Variants in ZC3H14 observed in about 807,000 individuals in gnomAD.
ZC3H14 encodes zinc finger CCCH domain-containing protein 14.
ZC3H14 carries 31 observed loss-of-function variants against 92.4 expected under a neutral mutation model. The observed-to-expected ratio is 0.34, with a 90% CI of 0.25 to 0.45. The LOEUF (loss-of-function observed/expected upper bound fraction) is 0.45, where lower values mean the gene tolerates loss of function less well. Ranked by LOEUF, ZC3H14 falls within the 20% of genes least tolerant of loss-of-function variation. ZC3H14 has a pLI of 1.00. For missense variants in ZC3H14, 781 were observed against 897.3 expected (o/e 0.87, Z 1.66); for synonymous variants, 321 against 300.9 (o/e 1.07, Z -0.69).
At position 88,620,407 on chromosome 14, in the gene ZC3H14, C is replaced by T. The variant is rs2088676546; in HGVS notation, c.*8656C>T. ...AGAGAAGATATGTTTGAAATCACAACTTTAGTTTTCCAGGGTGACAACTTT... is the reference window on the plus strand; with the variant it reads ...AGAGAAGATATGTTTGAAATCACAATTTTAGTTTTCCAGGGTGACAACTTT... On this transcript the variant is annotated 3_prime_UTR_variant, in exon 17 of 17. Coordinates refer to ENST00000251038, the MANE Select transcript of ZC3H14 (RefSeq NM_024824.5). This position sits in a 1 kb window ranked among gnomAD's most constrained non-coding sequence, Gnocchi z 4.3. 1 of 183,536 alleles carries T rather than the reference C, an allele frequency of 5.4e-6. No homozygotes were observed. Among genetic ancestry groups the T allele is most frequent in the South Asian group, 2.0e-4 (1 of 5,086 alleles). 11.4% of individuals were successfully genotyped at this position (183,536 alleles called of 1,614,324 possible).
Position 88,575,528 on chromosome 14 carries a change from T to TA in ZC3H14, c.1023-304dup, listed in dbSNP as rs530205282. ...GGCGATGTAATGAGTCTTTGTCTCT[T>TA]AAAAAAAATTAAAATAAATTAGTTG... On this transcript the variant is annotated intron_variant, in intron 7 of 16. Transcript: ENST00000251038. Among the ~76,000 whole-genome samples, 72 of 151,994 alleles carry TA rather than the reference T, an allele frequency of 4.7e-4. 1 individual carries two copies. The East Asian group carries it at 0.013, about 27-fold the overall frequency.
chr14:88,622,865 C>A lies in ZC3H14; in HGVS notation c.*11114C>A. ...TACCTCTAATATTCTTGTAAACTTT[C>A]TATGGCAATTTGAGGATATACTATA... is the stretch of plus-strand genomic sequence containing the variant. On this transcript the variant is annotated 3_prime_UTR_variant, in exon 17 of 17. Coordinates refer to ENST00000251038, the MANE Select transcript of ZC3H14 (RefSeq NM_024824.5). 2.0e-6 allele frequency: 1 copy of A among 508,642 alleles called. No individual in the cohort carries two copies. The highest frequency in any genetic ancestry group is 3.4e-6 in the Non-Finnish European group (1 of 295,282). The allele number at this position is 508,642 out of a possible 1,614,324, so 31.5% of individuals were successfully genotyped here. A position where few individuals can be genotyped will look rare whatever the true frequency, so the allele number is the denominator to read the frequency against.
intron 9 of ZC3H14, chr14:88,594,337 TTGTG>T: frequency 4.1e-6 from 4 of 965,916 alleles, no homozygotes; most frequent in Non-Finnish European, 5.0e-6. Flanking sequence ...AGAAAATTCT[TTGTG>T]TGACACATGT....
Position 88,613,432 on chromosome 14 carries a change from A to G in ZC3H14, c.*1681A>G, listed in dbSNP as rs1276323908. 6.6e-6 allele frequency: 1 copy of G among 152,166 alleles called. No individual in the cohort carries two copies. The highest frequency in any genetic ancestry group is 1.5e-5 in the Non-Finnish European group (1 of 68,024). The allele number at this position is 152,166 out of a possible 1,614,324, so 9.4% of individuals were successfully genotyped here. On this transcript the variant is annotated 3_prime_UTR_variant, in exon 17 of 17. Transcript: ENST00000251038. ...AGTTTTGTTCTCAGTTTCACTATAAATTATAGAACAAATGGGAAACAAGGG... is the reference window on the plus strand; with the variant it reads ...AGTTTTGTTCTCAGTTTCACTATAAGTTATAGAACAAATGGGAAACAAGGG...
rs569087235 is a variant in ZC3H14, at chr14:88,595,038, A to G, written c.1280-1696A>G. On this transcript the variant is annotated intron_variant, in intron 9 of 16. Transcript: ENST00000251038. ...AATGCAACAGACAGTTTGAAGATCA[A>G]GAAGAAGATACTGAATCACAGTCAA... 3.1e-6 allele frequency: 5 copies of G among 1,613,600 alleles called. No individual in the cohort carries two copies. The Admixed American group carries it at 6.7e-5, about 22-fold the overall frequency.
Position 88,563,711 on chromosome 14 carries a change from T to G in ZC3H14, c.79+18T>G, listed in dbSNP as rs1368473562. 4.3e-6 allele frequency: 7 copies of G among 1,611,676 alleles called. No homozygotes were observed. Among genetic ancestry groups the G allele is most frequent in the Middle Eastern group, 1.7e-4 (1 of 6,060 alleles). ...TTATGTTGGTAAGTGTTTTTTTGGT[T>G]GTTAGTCTTACAGAATTTAGAGTTT... On this transcript the variant is annotated intron_variant, in intron 2 of 16. Transcript: ENST00000251038.
At position 88,623,012 on chromosome 14, in the gene ZC3H14, T is replaced by A; in HGVS notation, c.*11261T>A. ...CATTACAATACATTATCCTCTCTCA[T>A]AATACTTTTTTTTTTTTTTTTAAGA... On this transcript the variant is annotated 3_prime_UTR_variant, in exon 17 of 17. Coordinates refer to ENST00000251038, the MANE Select transcript of ZC3H14 (RefSeq NM_024824.5). The A allele has an allele frequency of 1.0e-5, 2 of 194,454 alleles. No homozygotes were observed. The highest frequency in any genetic ancestry group is 2.7e-5 in the African/African-American group (1 of 37,288). 12.0% of individuals were successfully genotyped at this position (194,454 alleles called of 1,614,324 possible). A position where few individuals can be genotyped will look rare whatever the true frequency, so the allele number is the denominator to read the frequency against.
In ZC3H14 at chr14:88,572,935, A is replaced by G; in HGVS notation, c.789A>G (p.Pro263=). 1 of 1,614,226 alleles carries G rather than the reference A, an allele frequency of 6.2e-7. No homozygotes were observed. Among genetic ancestry groups the G allele is most frequent in the Non-Finnish European group, 8.5e-7 (1 of 1,180,050 alleles). Residue 263 remains proline, a synonymous_variant, in exon 6 of 17, where the codon CCA becomes CCG. Transcript: ENST00000251038. ...WVYETGRLCE[P]EVLNSLEETY... ...ATGAAACAGGACGTTTGTGTGAACC[A>G]GAGGTGCTTAACAGCTTAGAAGAAA...
chr14:88,604,092 A>G (rs2085004963), intron 12 of ZC3H14, among the ~76,000 whole-genome samples: 3 of 152,200 alleles, frequency 2.0e-5, no homozygotes, highest in Admixed American at 2.0e-4. Flanking sequence ...TGTTTTGTCT[A>G]AAGAGAAGAC....
chr14:88,627,096 T>C lies in ZC3H14; in HGVS notation c.*15345T>C. The C allele has an allele frequency of 6.4e-7, 1 of 1,569,324 alleles. No individual in the cohort carries two copies. Among genetic ancestry groups the C allele is most frequent in the Non-Finnish European group, 8.7e-7 (1 of 1,143,576 alleles). On this transcript the variant is annotated 3_prime_UTR_variant, in exon 17 of 17. Coordinates refer to ENST00000251038, the MANE Select transcript of ZC3H14 (RefSeq NM_024824.5). ...TAGGTTATTACAAGAACCAAGCTAA[T>C]CAACAGCATCAAACAAATATGTAAA...
chr14:88,608,409 T>C, intron 13 of ZC3H14: 1 of 361,202 alleles, frequency 2.8e-6, no homozygotes, highest in Admixed American at 3.3e-5. Context: ...TGTCTGTATC[T>C]TACACCTTAT....
intron 10 of ZC3H14, among the ~76,000 whole-genome samples, chr14:88,600,200 A>G (rs1302465858): frequency 6.6e-6 from 1 of 152,096 alleles, no homozygotes; most frequent in Non-Finnish European, 1.5e-5. Context: ...TCCCTTTACC[A>G]TCTGTACTGC....
intron 15 of ZC3H14, among the ~76,000 whole-genome samples, 153 bp from the exon 16 acceptor site, chr14:88,610,681 G>A (rs1302354913): frequency 6.7e-6 from 1 of 149,266 alleles, no homozygotes; most frequent in Non-Finnish European, 1.5e-5. Flanking sequence ...GCACACGCCT[G>A]TAGTCCCAGC....
rs959890688 is a variant in ZC3H14, at chr14:88,618,908, G to A, written c.*7157G>A. 38 of 1,239,538 alleles carry A rather than the reference G, an allele frequency of 3.1e-5. No individual in the cohort carries two copies. In the African/African-American group the frequency reaches 3.8e-4, roughly 12 times the overall value. The allele number at this position is 1,239,538 out of a possible 1,614,324, so 76.8% of individuals were successfully genotyped here. A position where few individuals can be genotyped will look rare whatever the true frequency, so the allele number is the denominator to read the frequency against. ...TTCCTTTCTAGTTCTTAAAAGTAAC[G>A]TGTGATAAGGCCTCAAATAGATTTA... is the stretch of plus-strand genomic sequence containing the variant. On this transcript the variant is annotated 3_prime_UTR_variant, in exon 17 of 17. Coordinates refer to ENST00000251038, the MANE Select transcript of ZC3H14 (RefSeq NM_024824.5).
At chr14:88,597,291 C>T (rs2083968356) in intron 10 of ZC3H14, among the ~76,000 whole-genome samples, 1 of 152,206 alleles carries the variant, frequency 6.6e-6, no homozygotes, top group Admixed American at 6.5e-5. Context: ...CCCACAGACA[C>T]ACATGCCAGG....
chr14:88,600,346 G>GT (rs1202491137), intron 10 of ZC3H14, among the ~76,000 whole-genome samples: 1 of 152,168 alleles, frequency 6.6e-6, no homozygotes, highest in Non-Finnish European at 1.5e-5. Context: ...GCAACAGCAG[G>GT]TCGAGAACTC....
In ZC3H14 at chr14:88,620,269, G is replaced by C. The variant is rs1430385277; in HGVS notation, c.*8518G>C. ...GTAGCCACTGTTGAAAAATGCTTAA[G>C]CACTGAAAAACAAAGGTTTAAGAAA... On this transcript the variant is annotated 3_prime_UTR_variant, in exon 17 of 17. Coordinates refer to ENST00000251038, the MANE Select transcript of ZC3H14 (RefSeq NM_024824.5). The surrounding 1 kb of genome is among the most constrained non-coding windows in gnomAD (Gnocchi z 4.3). 2.0e-5 allele frequency: 3 copies of C among 152,380 alleles called. No homozygotes were observed. 9.4% of individuals were successfully genotyped at this position (152,380 alleles called of 1,614,324 possible).
rs73321660 is a variant in ZC3H14 at position 88,625,317 on chromosome 14, T to C, written c.*13566T>C. ...GAGGCTTAGCTTTGTCAGGACCTTT[T>C]CCTTTCCAAGTCTGTTGCTTATTAG... On this transcript the variant is annotated 3_prime_UTR_variant, in exon 17 of 17. Transcript: ENST00000251038. 4.8e-4 allele frequency: 278 copies of C among 575,346 alleles called. 2 individuals are homozygous for C. In the African/African-American group the frequency reaches 5.0e-3, roughly 10 times the overall value. 35.6% of individuals were successfully genotyped at this position (575,346 alleles called of 1,614,324 possible).
In ZC3H14 at chr14:88,618,954, ATGTATACTGAGAT is replaced by A; in HGVS notation, c.*7207_*7219del. On this transcript the variant is annotated 3_prime_UTR_variant, in exon 17 of 17. Transcript: ENST00000251038. ...ATTTACCTGTCAGACACAACTGATC[ATGTATACTGAGAT>A]TGTCTGGGTTACATGAAATAAGGAA... 2 of 663,784 alleles carry A rather than the reference ATGTATACTGAGAT, an allele frequency of 3.0e-6. No homozygotes were observed. Among genetic ancestry groups the A allele is most frequent in the South Asian group, 6.1e-5 (2 of 32,524 alleles). The allele number at this position is 663,784 out of a possible 1,614,324, so 41.1% of individuals were successfully genotyped here. A position where few individuals can be genotyped will look rare whatever the true frequency, so the allele number is the denominator to read the frequency against.
Sources: gnomAD v4.1 joint callset for allele counts (sites outside exome capture counted in the v4.1 genomes callset) on GRCh38, gnomAD v4.1.1 for gene constraint, Gnocchi (gnomAD v3.1) non-coding constraint, MANE v1.5 for transcripts, NCBI Gene and HGNC (gene_info 2026-07-23, HGNC 2026-07-21) for gene names.